The following BCR variants were observed in gnomAD, a reference collection of about 807,000 sequenced individuals.
BCR encodes breakpoint cluster region protein.
In BCR, 58 loss-of-function variants were observed where a neutral mutation model predicts 138.6. That is an observed-to-expected ratio of 0.42 (90% CI 0.34 to 0.52). The LOEUF is 0.52. Among genes scored for constraint, BCR ranks in the 20% least tolerant of loss-of-function variants. The pLI is 0.06. For missense variants in BCR, 1,599 were observed against 1,727.2 expected, an observed-to-expected ratio of 0.93 and a Z score of 1.32; for synonymous variants, 786 against 730.1, an observed-to-expected ratio of 1.08 and a Z score of -1.23.
intron 1 of BCR, among the ~76,000 whole-genome samples, chr22:23,236,297 C>T (rs553590636): frequency 1.4e-3 from 220 of 152,362 alleles, no homozygotes; most frequent in African/African-American, 5.1e-3. Context: ...CCTGCAGCCT[C>T]ATCTCCACCC....
At chr22:23,274,906 T>TA (rs2073555653) in intron 8 of BCR, among the ~76,000 whole-genome samples, 1 of 57,490 alleles carries the variant, frequency 1.7e-5, no homozygotes, top group African/African-American at 8.2e-5. Flanking sequence ...AAACTCCATC[T>TA]CAAAAAAAAA....
At chr22:23,274,057 T>G (rs958842541) in intron 8 of BCR, among the ~76,000 whole-genome samples, 8 of 151,966 alleles carry the variant, frequency 5.3e-5, no homozygotes, top group Non-Finnish European at 1.0e-4. Context: ...GGGACCCCTT[T>G]TTTTTTATCC....
rs568671836 is a variant in BCR, at chr22:23,260,406, C to T, written c.1462-544C>T. ...CTTCTGGGGCAGATGGTAGCAGTCCCTGTGGCTGGGAGGGAGGGCATCTGG... is the reference window on the plus strand; with the variant it reads ...CTTCTGGGGCAGATGGTAGCAGTCCTTGTGGCTGGGAGGGAGGGCATCTGG... On this transcript the variant is annotated intron_variant, in intron 2 of 22. Coordinates refer to ENST00000305877, the MANE Select transcript of BCR (RefSeq NM_004327.4). Among the ~76,000 whole-genome samples, 14 of 152,320 alleles carry T rather than the reference C, an allele frequency of 9.2e-5. No individual in the cohort carries two copies. In the East Asian group the frequency reaches 2.7e-3, roughly 29 times the overall value.
intron 1 of BCR, among the ~76,000 whole-genome samples, chr22:23,242,334 C>T (rs544126149): frequency 1.3e-5 from 2 of 152,262 alleles, no homozygotes; most frequent in Non-Finnish European, 2.9e-5. Context: ...CTGCAGCCCC[C>T]GATTCCATCT....
rs770886487 is a variant in BCR, at chr22:23,268,476, G to A, written c.1821G>A (p.Lys607=). 1.2e-6 allele frequency: 2 copies of A among 1,614,028 alleles called. No homozygotes were observed. The highest frequency in any genetic ancestry group is 1.1e-5 in the South Asian group (1 of 91,040). ...NYGVAMEMAE[K]CCQANAQFAE... ...GAGTTGCCATGGAAATGGCTGAGAA[G>A]TGCTGTCAGGCCAATGCTCAGTTTG... The change falls in exon 5 of 23, where the codon AAG becomes AAA. Residue 607 remains lysine (K), a synonymous_variant. Coordinates refer to ENST00000305877, the MANE Select transcript of BCR (RefSeq NM_004327.4).
At chr22:23,309,369 TG>T in intron 16 of BCR, 54 bp from the exon 17 acceptor site, 2 of 1,365,430 alleles carry the variant, frequency 1.5e-6, no homozygotes, top group Non-Finnish European at 2.0e-6. Flanking sequence ...TGCTGCCCCG[TG>T]GGGCCTCTGA....
At chr22:23,281,151 C>T (rs1053041069) in intron 8 of BCR, among the ~76,000 whole-genome samples, 2 of 152,366 alleles carry the variant, frequency 1.3e-5, no homozygotes, top group Middle Eastern at 3.4e-3. Flanking sequence ...AGGATCTTCC[C>T]CTGTGCCCTT....
chr22:23,223,147 TAG>T (rs1347330926), intron 1 of BCR, among the ~76,000 whole-genome samples: 1 of 152,268 alleles, frequency 6.6e-6, no homozygotes, highest in East Asian at 1.9e-4. Context: ...CATTGGGGGT[TAG>T]ACTTTAACAT....
intron 1 of BCR, among the ~76,000 whole-genome samples, chr22:23,218,032 T>G (rs2072777183): frequency 6.6e-6 from 1 of 152,218 alleles, no homozygotes. Context: ...CTGGGAAACT[T>G]CGGGCCTGCA....
At chr22:23,242,485 G>C (rs1194307920) in intron 1 of BCR, among the ~76,000 whole-genome samples, 1 of 152,094 alleles carries the variant, frequency 6.6e-6, no homozygotes, top group African/African-American at 2.4e-5. Flanking sequence ...TAGCCATCCG[G>C]TGTATTTTGG....
chr22:23,291,552 C>T (rs2073787534), intron 14 of BCR, among the ~76,000 whole-genome samples: 1 of 152,044 alleles, frequency 6.6e-6, no homozygotes, highest in African/African-American at 2.4e-5. Context: ...CTCCCGGGTC[C>T]TGTCTGTGAG....
rs114094180 is a variant in BCR at position 23,218,290 on chromosome 22, C to T, written c.1280-35509C>T. On this transcript the variant is annotated intron_variant, in intron 1 of 22. Coordinates refer to ENST00000305877, the MANE Select transcript of BCR (RefSeq NM_004327.4). ...CATGTGAGGATTGCAGGAGGTGACC[C>T]GGGACAGTGCCTCACGCCCAGGGTG... Among the ~76,000 whole-genome samples the T allele has an allele frequency of 9.7e-3, 1,474 of 152,298 alleles. 18 individuals are homozygous for T. Among genetic ancestry groups the T allele is most frequent in the African/African-American group, 0.033 (1,364 of 41,568 alleles).
At chr22:23,280,793 C>G (rs1454133440) in intron 8 of BCR, among the ~76,000 whole-genome samples, 1 of 152,214 alleles carries the variant, frequency 6.6e-6, no homozygotes, top group Non-Finnish European at 1.5e-5. Flanking sequence ...TGTTTCCCAC[C>G]TGGGATGTGG....
rs114513895 is a variant in BCR, at chr22:23,188,500, G to A, written c.1279+6261G>A. On this transcript the variant is annotated intron_variant, in intron 1 of 22. Coordinates refer to ENST00000305877, the MANE Select transcript of BCR (RefSeq NM_004327.4). ...AGGACAAAGAGCCCAGGTGAGCTAT[G>A]TGCTTGAGCACACTTGGGAGAGGAC... Among the ~76,000 whole-genome samples the A allele has an allele frequency of 3.6e-3, 549 of 152,332 alleles. 1 individual carries two copies. Among genetic ancestry groups the A allele is most frequent in the African/African-American group, 0.011 (470 of 41,576 alleles).
chr22:23,253,439 G>A (rs1452491408), intron 1 of BCR, among the ~76,000 whole-genome samples: 1 of 152,166 alleles, frequency 6.6e-6, no homozygotes, highest in Non-Finnish European at 1.5e-5. Flanking sequence ...TCATTTACTA[G>A]CACACATAAA....
chr22:23,232,540 C>T (rs2072970902), intron 1 of BCR, among the ~76,000 whole-genome samples: 1 of 152,142 alleles, frequency 6.6e-6, no homozygotes, highest in South Asian at 2.1e-4. Flanking sequence ...ACCCAGAGCA[C>T]CACCCTTTAC....
intron 1 of BCR, among the ~76,000 whole-genome samples, chr22:23,227,177 C>T (rs1279921273): frequency 1.3e-5 from 2 of 152,182 alleles, no homozygotes; most frequent in African/African-American, 4.8e-5. Context: ...TGGATTTTTA[C>T]AGCAGGGAGA....
At chr22:23,244,705 G>A (rs895549097) in intron 1 of BCR, among the ~76,000 whole-genome samples, 2 of 152,226 alleles carry the variant, frequency 1.3e-5, no homozygotes, top group Admixed American at 6.5e-5. Context: ...AAGTACATTT[G>A]TCTGGGGCTA....
intron 1 of BCR, among the ~76,000 whole-genome samples, chr22:23,187,950 T>G (rs2146197220): frequency 6.6e-6 from 1 of 152,344 alleles, no homozygotes. Context: ...TAATTTGCCC[T>G]TTGAATTCCG....
Sources: allele counts gnomAD v4.1 joint callset (sites outside exome capture counted in the v4.1 genomes callset), GRCh38; gene constraint gnomAD v4.1.1; transcripts MANE v1.5; gene names NCBI Gene and HGNC (gene_info 2026-07-23, HGNC 2026-07-21).